RASEF: variants seen among roughly 807,000 people sequenced by gnomAD.
The protein encoded by RASEF is RAS and EF-hand domain containing, also known as ras and EF-hand domain-containing protein.
Under a neutral mutation model 90.1 loss-of-function variants are expected in RASEF, and 68 were observed. That is an observed-to-expected ratio of 0.75 (90% confidence interval 0.62 to 0.92). The LOEUF is 0.92. RASEF is among the 40% of genes least tolerant of loss of function. The probability of loss-of-function intolerance (pLI) is 0.00; values close to 1 mark genes in which losing one functional copy is unlikely to be tolerated. For missense variants in RASEF, 949 were observed against 937.2 expected (o/e 1.01, Z -0.16); for synonymous variants, 331 against 345.2 (o/e 0.96, Z 0.46).
chr9:83,149,158 TC>T, the RASEF span, among the ~76,000 whole-genome samples: 1 of 152,194 alleles, frequency 6.6e-6, no homozygotes, highest in Non-Finnish European at 1.5e-5. Flanking sequence ...AAGAGCCTGC[TC>T]CCAGGTGTCC....
the RASEF span, among the ~76,000 whole-genome samples, chr9:83,133,830 A>G: frequency 1.3e-5 from 2 of 152,156 alleles, no homozygotes; most frequent in Non-Finnish European, 2.9e-5. Context: ...TATGGCTCAG[A>G]ATGGTGCTCT....
rs1390425834 is a variant in RASEF at position 82,980,253 on chromosome 9, T to C, written c.*2424A>G. ...AAGATAAAAACATTAAATATTTTTG[T>C]TCTTACTGAAAATGTGCTTTAAATT... is the stretch of plus-strand genomic sequence containing the variant. On this transcript the variant is annotated 3_prime_UTR_variant, in exon 17 of 17. Coordinates refer to ENST00000376447, the MANE Select transcript of RASEF (RefSeq NM_152573.4). 1 of 152,222 alleles carries C rather than the reference T, an allele frequency of 6.6e-6. No individual in the cohort carries two copies. Among genetic ancestry groups the C allele is most frequent in the Non-Finnish European group, 1.5e-5 (1 of 68,032 alleles). The allele number at this position is 152,222 out of a possible 1,614,324, so 9.4% of individuals were successfully genotyped here. A position where few individuals can be genotyped will look rare whatever the true frequency, so the allele number is the denominator to read the frequency against.
chr9:83,083,410 A>T, the RASEF span, among the ~76,000 whole-genome samples: 1 of 152,218 alleles, frequency 6.6e-6, no homozygotes, highest in Non-Finnish European at 1.5e-5. Context: ...AATGTACTCA[A>T]TATATCAAGA....
At position 83,015,106 on chromosome 9, in the gene RASEF, C is replaced by T. The variant is rs555752210; in HGVS notation, c.765+699G>A. Among the ~76,000 whole-genome samples, 5 of 152,222 alleles carry T rather than the reference C, an allele frequency of 3.3e-5. No individual in the cohort carries two copies. The South Asian group carries it at 1.0e-3, about 32-fold the overall frequency. ...ATCTGGAATTTTCTACTTAGAAGAG[C>T]AATATTCATTTCATTTAATAAATAT... On this transcript the variant is annotated intron_variant, in intron 4 of 16. Transcript: ENST00000376447.
At chr9:83,168,101 AG>A in the RASEF span, among the ~76,000 whole-genome samples, 4 of 152,292 alleles carry the variant, frequency 2.6e-5, no homozygotes, top group Admixed American at 2.6e-4. Context: ...TTTTGAAAGA[AG>A]GGGCACCAGA....
intron 13 of RASEF, 72 bp downstream of exon 13, chr9:82,998,293 G>A: frequency 1.3e-6 from 1 of 790,670 alleles, no homozygotes; most frequent in Non-Finnish European, 2.2e-6. Flanking sequence ...TGAGTATGAA[G>A]AACATCAAGT....
At chr9:83,216,428 GGTACAGC>G in the RASEF span, among the ~76,000 whole-genome samples, 1 of 152,336 alleles carries the variant, frequency 6.6e-6, no homozygotes. Context: ...CAGGGCCCAA[GGTACAGC>G]TCAGGCTGTG....
chr9:83,031,003 T>G (rs1024701548), intron 1 of RASEF, among the ~76,000 whole-genome samples: 4 of 152,190 alleles, frequency 2.6e-5, no homozygotes, highest in African/African-American at 4.8e-5. Flanking sequence ...AGCCTCGTGA[T>G]AGAATGTGCT....
chr9:83,113,798 GT>G, the RASEF span, among the ~76,000 whole-genome samples: 2 of 152,170 alleles, frequency 1.3e-5, no homozygotes, highest in Non-Finnish European at 1.5e-5. Context: ...CTGTTAAGAT[GT>G]TTATCAAGAC....
chr9:83,107,550 G>A, the RASEF span, among the ~76,000 whole-genome samples: 10 of 152,010 alleles, frequency 6.6e-5, no homozygotes, highest in East Asian at 3.9e-4. Context: ...ATGCCAAGCC[G>A]GTTTTTGACC....
the RASEF span, among the ~76,000 whole-genome samples, chr9:83,094,016 T>C: frequency 6.6e-6 from 1 of 152,204 alleles, no homozygotes; most frequent in Admixed American, 6.5e-5. Context: ...TCGGTGATTT[T>C]GATATATGGG....
rs571171211 is a variant in RASEF, at chr9:83,026,034, C to T, written c.432-113G>A. The T allele has an allele frequency of 2.8e-5, 22 of 788,478 alleles. No homozygotes were observed. The East Asian group carries it at 5.7e-4, about 20-fold the overall frequency. The allele number at this position is 788,478 out of a possible 1,614,324, so 48.8% of individuals were successfully genotyped here. A position where few individuals can be genotyped will look rare whatever the true frequency, so the allele number is the denominator to read the frequency against. On this transcript the variant is annotated intron_variant, in intron 1 of 16. Coordinates refer to ENST00000376447, the MANE Select transcript of RASEF (RefSeq NM_152573.4). ...GAAGAACTAAGGAAAGAAAAACCAG[C>T]AATCACAGAATGAACGGAAGGAAGG...
At chr9:83,073,876 T>C in the RASEF span, among the ~76,000 whole-genome samples, 2 of 152,326 alleles carry the variant, frequency 1.3e-5, no homozygotes, top group East Asian at 3.9e-4. Context: ...TTTAGTACTT[T>C]TTAACTTTAT....
At chr9:83,095,638 AC>A in the RASEF span, among the ~76,000 whole-genome samples, 1 of 151,860 alleles carries the variant, frequency 6.6e-6, no homozygotes, top group Non-Finnish European at 1.5e-5. Context: ...TATACAAAAT[AC>A]CTAATTTGTA....
chr9:83,045,869 T>A (rs967712697), intron 1 of RASEF, among the ~76,000 whole-genome samples: 1 of 152,210 alleles, frequency 6.6e-6, no homozygotes, highest in Non-Finnish European at 1.5e-5. Context: ...AGGAATGCAG[T>A]GTGGACCTGA....
the RASEF span, among the ~76,000 whole-genome samples, chr9:83,120,191 A>G: frequency 6.6e-6 from 1 of 152,214 alleles, no homozygotes; most frequent in Non-Finnish European, 1.5e-5. Flanking sequence ...GAAGATGGAA[A>G]ACTAAAACTG....
At chr9:83,128,025 C>CTTTTTTT in the RASEF span, among the ~76,000 whole-genome samples, 48 of 134,650 alleles carry the variant, frequency 3.6e-4, no homozygotes, top group African/African-American at 5.8e-4. Flanking sequence ...TTTTTCTTTT[C>CTTTTTTT]TTTTTTTTTT....
At chr9:83,141,015 C>CA in the RASEF span, among the ~76,000 whole-genome samples, 5 of 151,796 alleles carry the variant, frequency 3.3e-5, no homozygotes, top group East Asian at 9.8e-4. Context: ...TGGTGGTGCA[C>CA]ACCTGTAATT....
the RASEF span, among the ~76,000 whole-genome samples, chr9:83,126,296 ATCTT>A: frequency 1.1e-3 from 164 of 152,254 alleles, no homozygotes; most frequent in African/African-American, 3.5e-3. Context: ...AGCTCTCTCT[ATCTT>A]TATCATGTGA....
Sources: gnomAD v4.1 joint callset for allele counts (sites outside exome capture counted in the v4.1 genomes callset) on GRCh38, gnomAD v4.1.1 for gene constraint, MANE v1.5 for transcripts, NCBI Gene and HGNC (gene_info 2026-07-23, HGNC 2026-07-21) for gene names.